RNF103: variants seen among roughly 807,000 people sequenced by gnomAD.
RNF103 encodes the protein ring finger protein 103.
Under a neutral mutation model 66.2 loss-of-function variants are expected in RNF103, and 23 were observed. The observed-to-expected ratio is 0.35, with a 90% CI of 0.25 to 0.49. The LOEUF (loss-of-function observed/expected upper bound fraction) is 0.49, where lower values mean the gene tolerates loss of function less well. Among genes scored for constraint, RNF103 ranks in the 20% least tolerant of loss-of-function variants. The pLI is 0.98. For synonymous variants in RNF103, 297 were observed against 289.9 expected (o/e 1.02, Z -0.25); for missense variants, 730 against 814.7 (o/e 0.90, Z 1.27).
At chr2:86,609,511 C>T (rs372556180) in intron 3 of RNF103, among the ~76,000 whole-genome samples, 4 of 151,770 alleles carry the variant, frequency 2.6e-5, no homozygotes, top group African/African-American at 7.3e-5. Flanking sequence ...CTCAGTCTCC[C>T]GAGTAGCTGG....
chr2:86,604,438 AAGT>A lies in RNF103; in HGVS notation c.1460_1462del (p.Asp487_Leu488delinsVal), dbSNP rs1320636851. On this transcript the variant is annotated inframe_deletion, in exon 4 of 4. Transcript: ENST00000237455. ...AGGGAAAGCTAAGCGCTCCAAGAAT[AAGT>A]CAGGGTCTTCGTCCCAATCAGATTC... 6.2e-7 allele frequency: 1 copy of A among 1,614,234 alleles called. No individual in the cohort carries two copies. Among genetic ancestry groups the A allele is most frequent in the Middle Eastern group, 1.6e-4 (1 of 6,062 alleles).
intron 2 of RNF103, chr2:86,617,272 T>C (rs1193626293): frequency 3.0e-6 from 3 of 985,316 alleles, no homozygotes; most frequent in African/African-American, 1.7e-5. Context: ...ACACTCCTCA[T>C]AGACTTAAAA....
chr2:86,612,719 A>T (rs1006687554), intron 2 of RNF103: 1 of 153,136 alleles, frequency 6.5e-6, no homozygotes, highest in Non-Finnish European at 1.5e-5. Context: ...CACTTTTTAA[A>T]AAGTATAATT....
At chr2:86,605,551 G>T in intron 3 of RNF103, 133 bp from the exon 4 acceptor site, 1 of 831,960 alleles carries the variant, frequency 1.2e-6, no homozygotes, top group Non-Finnish European at 1.8e-6. Flanking sequence ...ACCACTACTT[G>T]GCAGCTGTGA....
At chr2:86,617,874 C>T in intron 2 of RNF103, 1 of 1,093,076 alleles carries the variant, frequency 9.1e-7, no homozygotes, top group Non-Finnish European at 1.2e-6. Flanking sequence ...GTGCCAAGGA[C>T]AGGGTTTCAA....
intron 2 of RNF103, chr2:86,614,121 A>G (rs1311011136): frequency 6.6e-6 from 1 of 152,154 alleles, no homozygotes; most frequent in Non-Finnish European, 1.5e-5. Flanking sequence ...TTTTAATGAA[A>G]ATAAGTGGTC....
At position 86,622,755 on chromosome 2, in the gene RNF103, G is replaced by A. The variant is rs778641337; in HGVS notation, c.132C>T (p.Ser44=). 6.2e-7 allele frequency: 1 copy of A among 1,614,152 alleles called. No individual in the cohort carries two copies. The change falls in exon 1 of 4, where the codon AGC becomes AGT. Residue 44 remains serine, a synonymous_variant. Coordinates refer to ENST00000237455, the MANE Select transcript of RNF103 (RefSeq NM_005667.4). The part of the protein sequence containing the change: ...ATQLVDPVAL[S]FKKLKTILEC... ...CCAAAATGGTCTTCAGCTTCTTGAA[G>A]CTCAGCGCCACCGGATCCACCAGCT...
At chr2:86,607,342 T>C (rs930246002) in intron 3 of RNF103, among the ~76,000 whole-genome samples, 2 of 152,186 alleles carry the variant, frequency 1.3e-5, no homozygotes, top group African/African-American at 2.4e-5. Flanking sequence ...GTAGGTAGCA[T>C]ATGGCTGTAT....
intron 3 of RNF103, 39 bp downstream of exon 3, chr2:86,612,120 G>A (rs1223839792): frequency 7.5e-7 from 1 of 1,336,218 alleles, no homozygotes; most frequent in Admixed American, 1.9e-5. Context: ...AAAGATCCTG[G>A]TCAGGACTCA....
intron 1 of RNF103, 59 bp from the exon 2 acceptor site, chr2:86,620,528 C>T (rs909876403): frequency 1.3e-4 from 186 of 1,452,116 alleles, no homozygotes; most frequent in East Asian, 3.0e-4. Context: ...TTCCCAATTT[C>T]AGTAATTCTA....
chr2:86,623,182 GGA>G lies in RNF103; in HGVS notation c.-298_-297del. The G allele has an allele frequency of 3.8e-6, 4 of 1,054,866 alleles. No individual in the cohort carries two copies. Among genetic ancestry groups the G allele is most frequent in the Non-Finnish European group, 4.6e-6 (4 of 877,166 alleles). The allele number at this position is 1,054,866 out of a possible 1,614,324, so 65.3% of individuals were successfully genotyped here. On this transcript the variant is annotated 5_prime_UTR_variant, in exon 1 of 4. Coordinates refer to ENST00000237455, the MANE Select transcript of RNF103 (RefSeq NM_005667.4). ...AACCCCCATCCATTAAGCACAGAAAGGAGAGGGGCGCGGGGAGAGCTCGCGGG... is the reference window on the plus strand; with the variant it reads ...AACCCCCATCCATTAAGCACAGAAAGGAGGGGCGCGGGGAGAGCTCGCGGG...
intron 2 of RNF103, chr2:86,618,668 T>A (rs1342801331): frequency 6.6e-6 from 1 of 152,340 alleles, no homozygotes; most frequent in African/African-American, 2.4e-5. Context: ...TTTATTTCCA[T>A]GGGATCATTC....
Position 86,623,221 on chromosome 2 carries a change from C to A in RNF103, c.-335G>T, listed in dbSNP as rs1180807360. 3 of 1,015,052 alleles carry A rather than the reference C, an allele frequency of 3.0e-6. No individual in the cohort carries two copies. Among genetic ancestry groups the A allele is most frequent in the Non-Finnish European group, 3.5e-6 (3 of 851,032 alleles). The allele number at this position is 1,015,052 out of a possible 1,614,324, so 62.9% of individuals were successfully genotyped here. A position where few individuals can be genotyped will look rare whatever the true frequency, so the allele number is the denominator to read the frequency against. On this transcript the variant is annotated 5_prime_UTR_variant, in exon 1 of 4. Coordinates refer to ENST00000237455, the MANE Select transcript of RNF103 (RefSeq NM_005667.4). ...GGAGAGCTCGCGGGGAAGAACAAAA[C>A]GAGGGACGCTTCCCCCGGGGCGGGC... is the stretch of plus-strand genomic sequence containing the variant.
chr2:86,621,252 A>G (rs557700566), intron 1 of RNF103, among the ~76,000 whole-genome samples: 1 of 152,332 alleles, frequency 6.6e-6, no homozygotes, highest in Admixed American at 6.5e-5. Context: ...GACTTCTAGT[A>G]CATTCAATGT....
At chr2:86,608,302 C>A (rs1678650128) in intron 3 of RNF103, among the ~76,000 whole-genome samples, 1 of 151,932 alleles carries the variant, frequency 6.6e-6, no homozygotes, top group Non-Finnish European at 1.5e-5. Context: ...GTCTGGCCAA[C>A]ATGGTGAAAC....
chr2:86,619,931 G>A (rs1488230254), intron 2 of RNF103, among the ~76,000 whole-genome samples: 1 of 151,830 alleles, frequency 6.6e-6, no homozygotes, highest in African/African-American at 2.4e-5. Context: ...TTTACTTTAG[G>A]GTTCTTACTT....
Position 86,603,903 on chromosome 2 carries a change from A to T in RNF103, c.1998T>A (p.Ser666=), listed in dbSNP as rs1678440353. 6.2e-7 allele frequency: 1 copy of T among 1,614,080 alleles called. No homozygotes were observed. Among genetic ancestry groups the T allele is most frequent in the South Asian group, 1.1e-5 (1 of 91,080 alleles). The change falls in exon 4 of 4, where the codon TCT becomes TCA. Residue 666 remains serine (S), a synonymous_variant. Coordinates refer to ENST00000237455, the MANE Select transcript of RNF103 (RefSeq NM_005667.4). ...GTGCATATGGCTGCTTTTTTTTATA[A>T]GAAGGCCACCGGCAAACAGGGCAAC... is the stretch of plus-strand genomic sequence containing the variant. ...RHCCPVCRWP[S]YKKKQPYAQH... is the part of the protein sequence containing the mutation.
intron 2 of RNF103, chr2:86,617,247 T>A (rs1158287589): frequency 4.1e-6 from 4 of 985,310 alleles, no homozygotes; most frequent in Non-Finnish European, 4.8e-6. Flanking sequence ...CATCTGTGCA[T>A]CTTCATTTAT....
chr2:86,620,606 G>C (rs939181107), intron 1 of RNF103, 137 bp from the exon 2 acceptor site: 72 of 1,188,896 alleles, frequency 6.1e-5, no homozygotes, highest in Non-Finnish European at 7.7e-5. Context: ...ACTACTAGAA[G>C]AACCTGGATA....
Sources: gnomAD v4.1 joint callset for allele counts (sites outside exome capture counted in the v4.1 genomes callset) on GRCh38, gnomAD v4.1.1 for gene constraint, MANE v1.5 for transcripts, NCBI Gene and HGNC (gene_info 2026-07-23, HGNC 2026-07-21) for gene names.